SSUH2: variants seen among roughly 807,000 people sequenced by gnomAD.
The protein encoded by SSUH2 is protein SSUH2 homolog.
In SSUH2, 47 loss-of-function variants were observed where a neutral mutation model predicts 55.3. The observed-to-expected ratio is 0.85, with a 90% CI of 0.67 to 1.08. The LOEUF is 1.08. Among genes scored for constraint, SSUH2 ranks in the 50% least tolerant of loss-of-function variants. The probability of loss-of-function intolerance (pLI) is 0.00; values close to 1 mark genes in which losing one functional copy is unlikely to be tolerated. For missense variants in SSUH2, 535 were observed against 490.7 expected, an observed-to-expected ratio of 1.09 and a Z score of -0.85; for synonymous variants, 212 against 191.5, an observed-to-expected ratio of 1.11 and a Z score of -0.89.
At chr3:8,623,058 G>A (rs983769269) in intron 11 of SSUH2, among the ~76,000 whole-genome samples, 3 of 152,170 alleles carry the variant, frequency 2.0e-5, no homozygotes, top group African/African-American at 7.2e-5. Flanking sequence ...GGCTACTCAG[G>A]GCTGCTCCTG....
intron 4 of SSUH2, 35 bp from the exon 5 acceptor site, chr3:8,632,144 C>T (rs1288088782): frequency 6.3e-7 from 1 of 1,577,748 alleles, no homozygotes; most frequent in Non-Finnish European, 8.7e-7. Context: ...CACACTCGTG[C>T]CCCTTATGAA....
chr3:8,653,100 T>A (rs1365985774), intron 7 of SSUH2, among the ~76,000 whole-genome samples: 2 of 152,212 alleles, frequency 1.3e-5, no homozygotes, highest in African/African-American at 4.8e-5. Flanking sequence ...AATGGACACC[T>A]TTTTGGATCT....
chr3:8,631,540 AAAG>A lies in SSUH2; in HGVS notation c.400+506_400+508del, dbSNP rs1698775936. On this transcript the variant is annotated intron_variant, in intron 5 of 11. Transcript: ENST00000544814. ...AGGAGAAATCCTGAAAAGCTTCTTA[AAAG>A]AAGTGACACGTGAGCTGAGTCTTGA... Among the ~76,000 whole-genome samples, 5 of 152,162 alleles carry A rather than the reference AAAG, an allele frequency of 3.3e-5. No individual in the cohort carries two copies. The South Asian group carries it at 1.0e-3, about 32-fold the overall frequency.
intron 2 of SSUH2, among the ~76,000 whole-genome samples, chr3:8,678,574 G>C (rs1559564240): frequency 6.1e-5 from 7 of 114,068 alleles, no homozygotes. Context: ...CACAGAGGGG[G>C]GAACACCCCC....
intron 7 of SSUH2, among the ~76,000 whole-genome samples, chr3:8,628,381 C>T (rs1698039243): frequency 6.6e-6 from 1 of 152,054 alleles, no homozygotes. Context: ...TTGGTTTTAC[C>T]CCCTGGGATT....
At chr3:8,628,433 G>T (rs1045270816) in intron 7 of SSUH2, among the ~76,000 whole-genome samples, 2 of 152,202 alleles carry the variant, frequency 1.3e-5, no homozygotes, top group African/African-American at 2.4e-5. Context: ...GACAACTAAT[G>T]CCATGAGTAA....
chr3:8,646,281 C>T (rs372608347), upstream of SSUH2, among the ~76,000 whole-genome samples: 66 of 152,278 alleles, frequency 4.3e-4, no homozygotes, highest in African/African-American at 1.6e-3. Flanking sequence ...TGACAAAATG[C>T]TTGCAACTTA....
intron 3 of SSUH2, among the ~76,000 whole-genome samples, chr3:8,676,742 T>C (rs1278776979): frequency 9.4e-5 from 14 of 149,422 alleles, no homozygotes; most frequent in African/African-American, 3.5e-4. Flanking sequence ...TTACTATCAT[T>C]CTCTCCCCCT....
intron 2 of SSUH2, among the ~76,000 whole-genome samples, chr3:8,678,839 C>T (rs1312378659): frequency 2.7e-5 from 3 of 111,072 alleles, no homozygotes; most frequent in African/African-American, 6.2e-5. Flanking sequence ...GAGGCGGGGA[C>T]TGAGAACCAA....
chr3:8,679,717 G>A (rs1705829516), exon 2 of SSUH2: 1 of 191,004 alleles, frequency 5.2e-6, no homozygotes, highest in Admixed American at 6.5e-5. Context: ...GGAGGACTGT[G>A]GGTATTAGGT....
chr3:8,661,912 G>A (rs1405684250), intron 6 of SSUH2, among the ~76,000 whole-genome samples: 1 of 152,142 alleles, frequency 6.6e-6, no homozygotes, highest in Non-Finnish European at 1.5e-5. Context: ...TTTTCTTGTG[G>A]TAGTGGATAA....
chr3:8,651,652 C>T (rs1023552526), intron 7 of SSUH2, among the ~76,000 whole-genome samples: 2 of 152,170 alleles, frequency 1.3e-5, no homozygotes, highest in Non-Finnish European at 2.9e-5. Context: ...CGATAAGTAA[C>T]ATCAGACATA....
intron 3 of SSUH2, among the ~76,000 whole-genome samples, chr3:8,673,541 G>A (rs1424627028): frequency 2.6e-5 from 4 of 152,094 alleles, no homozygotes; most frequent in East Asian, 1.9e-4. Context: ...GCGAAAAGCC[G>A]CAAGCCCTAA....
At chr3:8,637,498 C>A (rs1189331047) in intron 1 of SSUH2, among the ~76,000 whole-genome samples, 1 of 152,168 alleles carries the variant, frequency 6.6e-6, no homozygotes, top group Non-Finnish European at 1.5e-5. Context: ...GCACTTCTGA[C>A]CCCACTTGAC....
Position 8,658,171 on chromosome 3 carries a change from C to T in SSUH2, c.-307+754G>A, listed in dbSNP as rs80135491. The stretch of plus-strand genomic sequence containing the variant: ...ATGACCCTCATGGAGATATTTATTA[C>T]AGGCTAAGAGATGACGACATGTGTA... On this transcript the variant is annotated intron_variant, in intron 7 of 18. Coordinates refer to the SSUH2 transcript ENST00000317371. Among the ~76,000 whole-genome samples, 793 of 152,354 alleles carry T rather than the reference C, an allele frequency of 5.2e-3. 6 individuals are homozygous for T. Among genetic ancestry groups the T allele is most frequent in the African/African-American group, 0.018 (735 of 41,578 alleles).
chr3:8,667,477 G>A (rs1704095769), intron 5 of SSUH2, among the ~76,000 whole-genome samples: 1 of 152,090 alleles, frequency 6.6e-6, no homozygotes, highest in African/African-American at 2.4e-5. Context: ...GGGTCTTTGT[G>A]GCCTGTATCT....
intron 1 of SSUH2, among the ~76,000 whole-genome samples, chr3:8,642,210 G>T (rs1700968930): frequency 6.6e-6 from 1 of 152,150 alleles, no homozygotes; most frequent in Non-Finnish European, 1.5e-5. Flanking sequence ...CAAAAGATAT[G>T]GTATATAGAA....
At chr3:8,620,042 G>A (rs779569862) in intron 11 of SSUH2, 28 bp from the exon 12 acceptor site, 1 of 1,612,090 alleles carries the variant, frequency 6.2e-7, no homozygotes, top group African/African-American at 1.3e-5. Flanking sequence ...CAAGGAAAAT[G>A]TCAGTGTTCT....
intron 7 of SSUH2, chr3:8,629,432 A>G: frequency 3.5e-6 from 2 of 566,084 alleles, no homozygotes; most frequent in Non-Finnish European, 6.3e-6. Flanking sequence ...GGATGAGAAA[A>G]TAAGAGAAAA....
Sources: allele counts gnomAD v4.1 joint callset (sites outside exome capture counted in the v4.1 genomes callset), GRCh38; gene constraint gnomAD v4.1.1; transcripts MANE v1.5; gene names NCBI Gene and HGNC (gene_info 2026-07-23, HGNC 2026-07-21).